Variants in GALNT18 observed in about 807,000 individuals in gnomAD.
GALNT18 encodes the protein polypeptide N-acetylgalactosaminyltransferase 18.
In GALNT18, 44 loss-of-function variants were observed where a neutral mutation model predicts 69.5. That is an observed-to-expected ratio of 0.63 (90% CI 0.50 to 0.81). The LOEUF (loss-of-function observed/expected upper bound fraction) is 0.81. GALNT18 is among the 40% of genes least tolerant of loss of function. The probability of loss-of-function intolerance (pLI) is 0.00; values close to 1 mark genes in which losing one functional copy is unlikely to be tolerated. For missense variants in GALNT18, 715 were observed against 810.0 expected, an observed-to-expected ratio of 0.88 and a Z score of 1.42; for synonymous variants, 364 against 318.2, an observed-to-expected ratio of 1.14 and a Z score of -1.53.
chr11:11,291,739 C>T (rs1364527994), intron 10 of GALNT18, among the ~76,000 whole-genome samples: 1 of 152,156 alleles, frequency 6.6e-6, no homozygotes, highest in Non-Finnish European at 1.5e-5. Flanking sequence ...GTTCACAAAG[C>T]CCTGGTTTAG....
In GALNT18 at chr11:11,303,375, C is replaced by G. The variant is rs1330665750; in HGVS notation, c.1513-10182G>C. 5.3e-5 allele frequency among the ~76,000 whole-genome samples: 8 copies of G among 152,320 alleles called. No individual in the cohort carries two copies. In the East Asian group the frequency reaches 1.3e-3, roughly 26 times the overall value. ...ACATGACATGAATTGACCTTTCTTT[C>G]TCCCTTGGCTCATGTTTCCACTGCC... On this transcript the variant is annotated intron_variant, in intron 9 of 10. Coordinates refer to ENST00000227756, the MANE Select transcript of GALNT18 (RefSeq NM_198516.3).
chr11:11,499,306 G>A (rs1011641476), intron 1 of GALNT18, among the ~76,000 whole-genome samples: 5 of 152,112 alleles, frequency 3.3e-5, no homozygotes, highest in African/African-American at 7.2e-5. Flanking sequence ...AGCCATCAGC[G>A]CTGACCAAAT....
At position 11,387,503 on chromosome 11, in the gene GALNT18, T is replaced by C. The variant is rs1247115292; in HGVS notation, c.596-8239A>G. ...AGTGCAATTAATTGCTTGTCTCCAA[T>C]GGTGCTAATTTAAAGATTAAAAGTG... On this transcript the variant is annotated intron_variant, in intron 3 of 10. Transcript: ENST00000227756. This position sits in a 1 kb window ranked among gnomAD's most constrained non-coding sequence, Gnocchi z 4.6. Among the ~76,000 whole-genome samples, 1 of 152,180 alleles carries C rather than the reference T, an allele frequency of 6.6e-6. No individual in the cohort carries two copies. Among genetic ancestry groups the C allele is most frequent in the Non-Finnish European group, 1.5e-5 (1 of 68,032 alleles).
At position 11,389,639 on chromosome 11, in the gene GALNT18, C is replaced by T. The variant is rs1854136520; in HGVS notation, c.596-10375G>A. 6.6e-6 allele frequency among the ~76,000 whole-genome samples: 1 copy of T among 152,168 alleles called. No homozygotes were observed. The highest frequency in any genetic ancestry group is 6.5e-5 in the Admixed American group (1 of 15,280). Reference sequence around the variant, plus strand: ...AGGCAGGAGTGGACGCTGCTCCAGCCCCAGCTCCTCCAGCTTAGGAGTACT... The same window carrying T: ...AGGCAGGAGTGGACGCTGCTCCAGCTCCAGCTCCTCCAGCTTAGGAGTACT... On this transcript the variant is annotated intron_variant, in intron 3 of 10. Transcript: ENST00000227756. This position sits in a 1 kb window ranked among gnomAD's most constrained non-coding sequence, Gnocchi z 4.3.
intron 1 of GALNT18, among the ~76,000 whole-genome samples, chr11:11,559,686 G>A (rs930170131): frequency 7.2e-5 from 11 of 151,824 alleles, no homozygotes; most frequent in African/African-American, 1.7e-4. Flanking sequence ...GATATGATGG[G>A]ATGGAATGGA....
In GALNT18 at chr11:11,479,264, A is replaced by G. The variant is rs79112662; in HGVS notation, c.236-30328T>C. 5.9e-3 allele frequency among the ~76,000 whole-genome samples: 901 copies of G among 152,332 alleles called. 10 individuals are homozygous for G. The highest frequency in any genetic ancestry group is 0.021 in the African/African-American group (865 of 41,570). ...AGTTTACATCATGGAAGTCTCCTTA[A>G]CAGGGAACAATATTTTCACAGTACA... On this transcript the variant is annotated intron_variant, in intron 1 of 10. Transcript: ENST00000227756.
chr11:11,573,199 T>G lies in GALNT18; in HGVS notation c.235+48160A>C, dbSNP rs1486409877. On this transcript the variant is annotated intron_variant, in intron 1 of 10. Coordinates refer to ENST00000227756, the MANE Select transcript of GALNT18 (RefSeq NM_198516.3). The surrounding 1 kb of genome is among the most constrained non-coding windows in gnomAD (Gnocchi z 4.6). ...GAGAGCATGTTCATGTTCATTATGGTGGGCGGCCTTGACTCATACTTGACA... is the reference window on the plus strand; with the variant it reads ...GAGAGCATGTTCATGTTCATTATGGGGGGCGGCCTTGACTCATACTTGACA... Among the ~76,000 whole-genome samples, 3 of 152,092 alleles carry G rather than the reference T, an allele frequency of 2.0e-5. No homozygotes were observed. The highest frequency in any genetic ancestry group is 4.4e-5 in the Non-Finnish European group (3 of 68,016).
At chr11:11,397,917 C>T (rs986030748) in intron 3 of GALNT18, among the ~76,000 whole-genome samples, 2 of 152,162 alleles carry the variant, frequency 1.3e-5, no homozygotes, top group Admixed American at 1.3e-4. Context: ...TATGAGATGC[C>T]GGAGAGAAAG....
intron 8 of GALNT18, among the ~76,000 whole-genome samples, chr11:11,329,720 GAC>G (rs1849986943): frequency 6.6e-6 from 1 of 152,202 alleles, no homozygotes; most frequent in African/African-American, 2.4e-5. Flanking sequence ...GCACAAAGGA[GAC>G]AGTCAACACT....
intron 3 of GALNT18, among the ~76,000 whole-genome samples, chr11:11,394,300 G>A (rs1854269351): frequency 6.6e-6 from 1 of 152,192 alleles, no homozygotes; most frequent in Non-Finnish European, 1.5e-5. Flanking sequence ...CTAGAAGCAT[G>A]AATGTGCATG....
intron 1 of GALNT18, among the ~76,000 whole-genome samples, chr11:11,460,907 A>C (rs1173442545): frequency 6.6e-6 from 1 of 152,200 alleles, no homozygotes; most frequent in Admixed American, 6.5e-5. Flanking sequence ...CCCAGTCTCA[A>C]GTATTCTTTT....
chr11:11,297,798 T>A (rs886628243), intron 9 of GALNT18, among the ~76,000 whole-genome samples: 1 of 152,098 alleles, frequency 6.6e-6, no homozygotes, highest in Non-Finnish European at 1.5e-5. Flanking sequence ...CAGCTGCCAA[T>A]GATTGATTTG....
chr11:11,346,812 C>T (rs571785089), intron 6 of GALNT18, among the ~76,000 whole-genome samples: 1 of 152,252 alleles, frequency 6.6e-6, no homozygotes, highest in South Asian at 2.1e-4. Context: ...TCTGAAGAGG[C>T]TTGAAACACC....
Position 11,444,103 on chromosome 11 carries a change from A to C in GALNT18, c.428+4641T>G, listed in dbSNP as rs1855592224. 6.6e-6 allele frequency among the ~76,000 whole-genome samples: 1 copy of C among 152,018 alleles called. No homozygotes were observed. The highest frequency in any genetic ancestry group is 6.5e-5 in the Admixed American group (1 of 15,276). ...TCTCTCTAGAGTCTGGACTGTTAAAACAACTCTCCCCAGGGAAGCCGGCAC... is the reference window on the plus strand; with the variant it reads ...TCTCTCTAGAGTCTGGACTGTTAAACCAACTCTCCCCAGGGAAGCCGGCAC... On this transcript the variant is annotated intron_variant, in intron 2 of 10. Coordinates refer to ENST00000227756, the MANE Select transcript of GALNT18 (RefSeq NM_198516.3). This position sits in a 1 kb window ranked among gnomAD's most constrained non-coding sequence, Gnocchi z 4.4.
At position 11,617,213 on chromosome 11, in the gene GALNT18, G is replaced by C. The variant is rs1015718658; in HGVS notation, c.235+4146C>G. 2.0e-5 allele frequency among the ~76,000 whole-genome samples: 3 copies of C among 152,144 alleles called. No individual in the cohort carries two copies. The highest frequency in any genetic ancestry group is 7.2e-5 in the African/African-American group (3 of 41,440). Reference sequence around the variant, plus strand: ...AACATTAAAATAAAAATATTTAATTGTATGTATGTAATACTTTGTTGTACT... The same window carrying C: ...AACATTAAAATAAAAATATTTAATTCTATGTATGTAATACTTTGTTGTACT... On this transcript the variant is annotated intron_variant, in intron 1 of 10. Coordinates refer to ENST00000227756, the MANE Select transcript of GALNT18 (RefSeq NM_198516.3). The surrounding 1 kb of genome is among the most constrained non-coding windows in gnomAD (Gnocchi z 4.7).
rs1682973909 is a variant in GALNT18, at chr11:11,573,809, AG to A, written c.235+47549del. Reference sequence around the variant, plus strand: ...CATGAGCGTCGACGGTGACTTCCCGAGGCTGGACGGCGATCCTTCCCACTGC... The same window carrying A: ...CATGAGCGTCGACGGTGACTTCCCGAGCTGGACGGCGATCCTTCCCACTGC... On this transcript the variant is annotated intron_variant, in intron 1 of 10. Coordinates refer to ENST00000227756, the MANE Select transcript of GALNT18 (RefSeq NM_198516.3). This position sits in a 1 kb window ranked among gnomAD's most constrained non-coding sequence, Gnocchi z 4.6. 6.6e-6 allele frequency: 1 copy of A among 152,314 alleles called. No individual in the cohort carries two copies. Among genetic ancestry groups the A allele is most frequent in the Admixed American group, 6.5e-5 (1 of 15,278 alleles). The allele number at this position is 152,314 out of a possible 1,614,324, so 9.4% of individuals were successfully genotyped here. A position where few individuals can be genotyped will look rare whatever the true frequency, so the allele number is the denominator to read the frequency against.
chr11:11,410,683 T>A (rs1290553239), intron 3 of GALNT18, among the ~76,000 whole-genome samples: 1 of 152,184 alleles, frequency 6.6e-6, no homozygotes, highest in Non-Finnish European at 1.5e-5. Flanking sequence ...ATATGCACAC[T>A]AAGAGGCATT....
chr11:11,284,662 T>TA (rs1849153671), intron 10 of GALNT18, among the ~76,000 whole-genome samples: 1 of 152,228 alleles, frequency 6.6e-6, no homozygotes, highest in Non-Finnish European at 1.5e-5. Context: ...AGAATTCCCA[T>TA]TCCACTTTCT....
At position 11,480,239 on chromosome 11, in the gene GALNT18, T is replaced by TCTTC. The variant is rs996587755; in HGVS notation, c.236-31307_236-31304dup. On this transcript the variant is annotated intron_variant, in intron 1 of 10. Coordinates refer to ENST00000227756, the MANE Select transcript of GALNT18 (RefSeq NM_198516.3). This position sits in a 1 kb window ranked among gnomAD's most constrained non-coding sequence, Gnocchi z 4.6. The stretch of plus-strand genomic sequence containing the variant: ...GTCAATCTTTCTTTATTTCTTTCTT[T>TCTTC]CTTCCTTCCTTCCTCTCTCTCTCTC... Among the ~76,000 whole-genome samples, 1 of 152,076 alleles carries TCTTC rather than the reference T, an allele frequency of 6.6e-6. No individual in the cohort carries two copies.
Sources: gnomAD v4.1 joint callset for allele counts (sites outside exome capture counted in the v4.1 genomes callset) on GRCh38, gnomAD v4.1.1 for gene constraint, Gnocchi (gnomAD v3.1) non-coding constraint, MANE v1.5 for transcripts, NCBI Gene and HGNC (gene_info 2026-07-23, HGNC 2026-07-21) for gene names.